The following ZNF804B variants were observed in gnomAD, a reference collection of about 807,000 sequenced individuals.
ZNF804B encodes the protein zinc finger protein 804B.
In ZNF804B, 80 loss-of-function variants were observed where a neutral mutation model predicts 101.4. The observed-to-expected ratio is 0.79, with a 90% CI of 0.66 to 0.95. ZNF804B has a LOEUF of 0.95. ZNF804B is among the 40% of genes least tolerant of loss of function. The pLI is 0.00. For missense variants in ZNF804B, 1,673 were observed against 1,561.9 expected (o/e 1.07, Z -1.20); for synonymous variants, 622 against 558.8 (o/e 1.11, Z -1.59).
chr7:88,788,879 G>C (rs1160556017), intron 1 of ZNF804B, among the ~76,000 whole-genome samples: 1 of 151,982 alleles, frequency 6.6e-6, no homozygotes, highest in Non-Finnish European at 1.5e-5. Flanking sequence ...AAGGATAAAT[G>C]GTAATCTTTT....
chr7:88,861,632 T>C (rs912437724), intron 1 of ZNF804B, among the ~76,000 whole-genome samples: 1 of 152,218 alleles, frequency 6.6e-6, no homozygotes, highest in African/African-American at 2.4e-5. Flanking sequence ...TGATACCCAG[T>C]GTCTCCAGTA....
At chr7:89,140,969 A>G (rs1466611111) in intron 1 of ZNF804B, among the ~76,000 whole-genome samples, 1 of 139,340 alleles carries the variant, frequency 7.2e-6, no homozygotes, top group Admixed American at 7.5e-5. Context: ...GAGAAATGCA[A>G]CTCTTCTTTT....
At chr7:89,086,305 T>C (rs1234444083) in intron 1 of ZNF804B, among the ~76,000 whole-genome samples, 2 of 151,976 alleles carry the variant, frequency 1.3e-5, no homozygotes, top group Non-Finnish European at 2.9e-5. Context: ...AGAAATGTAA[T>C]GTTAAGTCAT....
At chr7:89,230,811 C>G (rs962643033) in intron 2 of ZNF804B, among the ~76,000 whole-genome samples, 1 of 152,038 alleles carries the variant, frequency 6.6e-6, no homozygotes, top group African/African-American at 2.4e-5. Flanking sequence ...TGGTATCTCA[C>G]TGTGATTTGT....
chr7:88,894,780 G>T lies in ZNF804B; in HGVS notation c.108+134696G>T, dbSNP rs540818247. Among the ~76,000 whole-genome samples, 12 of 152,142 alleles carry T rather than the reference G, an allele frequency of 7.9e-5. No homozygotes were observed. In the South Asian group the frequency reaches 2.5e-3, roughly 32 times the overall value. ...AATAGGCTATATACTGCATTATTTT[G>T]ATGATATAATATTCTAGAAAAGATG... On this transcript the variant is annotated intron_variant, in intron 1 of 3. Transcript: ENST00000333190.
chr7:88,766,400 A>T (rs971298117), intron 1 of ZNF804B, among the ~76,000 whole-genome samples: 1 of 152,216 alleles, frequency 6.6e-6, no homozygotes, highest in Non-Finnish European at 1.5e-5. Flanking sequence ...GATGACACTC[A>T]GATAACATGT....
chr7:89,052,741 G>C (rs142351936), intron 1 of ZNF804B, among the ~76,000 whole-genome samples: 3 of 152,052 alleles, frequency 2.0e-5, no homozygotes, highest in Non-Finnish European at 4.4e-5. Flanking sequence ...TCAACAAAAC[G>C]TACTCACATT....
chr7:89,031,689 G>A (rs776624031), intron 1 of ZNF804B, among the ~76,000 whole-genome samples: 4 of 149,924 alleles, frequency 2.7e-5, no homozygotes, highest in African/African-American at 2.5e-5. Context: ...AATGTACAGC[G>A]AAAGATTTGA....
At chr7:88,936,256 G>T (rs1281706056) in intron 1 of ZNF804B, among the ~76,000 whole-genome samples, 2 of 152,048 alleles carry the variant, frequency 1.3e-5, no homozygotes, top group Non-Finnish European at 2.9e-5. Context: ...CTTGGAAATA[G>T]CTAGTGATTC....
At chr7:89,322,588 A>G (rs887914994) in intron 2 of ZNF804B, among the ~76,000 whole-genome samples, 5 of 152,166 alleles carry the variant, frequency 3.3e-5, no homozygotes, top group African/African-American at 1.2e-4. Flanking sequence ...AAATGAGGTA[A>G]CATTGCATTA....
intron 1 of ZNF804B, among the ~76,000 whole-genome samples, chr7:89,020,066 TTG>T (rs1170746613): frequency 6.6e-6 from 1 of 152,132 alleles, no homozygotes; most frequent in Non-Finnish European, 1.5e-5. Flanking sequence ...TAGTTATAAG[TTG>T]TGACAATGCA....
chr7:88,872,322 C>T (rs910673867), intron 1 of ZNF804B, among the ~76,000 whole-genome samples: 4 of 152,112 alleles, frequency 2.6e-5, no homozygotes, highest in Non-Finnish European at 4.4e-5. Flanking sequence ...GAGGCCAAGG[C>T]AGGAAAATGG....
chr7:88,771,000 C>T (rs918379091), intron 1 of ZNF804B, among the ~76,000 whole-genome samples: 11 of 152,074 alleles, frequency 7.2e-5, no homozygotes, highest in Non-Finnish European at 1.2e-4. Flanking sequence ...ACTGATAGTT[C>T]TTATATTCTT....
intron 1 of ZNF804B, among the ~76,000 whole-genome samples, chr7:88,947,987 G>A (rs1793161795): frequency 6.6e-6 from 1 of 151,894 alleles, no homozygotes; most frequent in African/African-American, 2.4e-5. Context: ...AATAATATCT[G>A]TAGTGTGCTA....
chr7:88,965,684 A>G (rs930871189), intron 1 of ZNF804B, among the ~76,000 whole-genome samples: 1 of 151,494 alleles, frequency 6.6e-6, no homozygotes, highest in Non-Finnish European at 1.5e-5. Context: ...CAATTCCCTA[A>G]GTTTGTCCTT....
intron 1 of ZNF804B, among the ~76,000 whole-genome samples, chr7:88,805,192 A>G (rs1056661432): frequency 6.6e-6 from 1 of 152,196 alleles, no homozygotes; most frequent in African/African-American, 2.4e-5. Context: ...ATAGTCAGGT[A>G]TGCCCTACTA....
chr7:88,928,143 T>C (rs1025651649), intron 1 of ZNF804B, among the ~76,000 whole-genome samples: 8 of 152,134 alleles, frequency 5.3e-5, no homozygotes, highest in Non-Finnish European at 8.8e-5. Flanking sequence ...ACTGTTAGCC[T>C]TTGGTACGGT....
intron 1 of ZNF804B, among the ~76,000 whole-genome samples, chr7:89,139,742 G>T (rs2214344): frequency 6.6e-6 from 1 of 151,900 alleles, no homozygotes; most frequent in African/African-American, 2.4e-5. Context: ...TTCTCTTGCT[G>T]TGTCCACCAC....
chr7:88,950,795 A>G (rs1476866213), intron 1 of ZNF804B, among the ~76,000 whole-genome samples: 1 of 151,902 alleles, frequency 6.6e-6, no homozygotes, highest in Non-Finnish European at 1.5e-5. Context: ...TGAGAGGCAA[A>G]TGCTAGCTAG....
Sources: allele counts gnomAD v4.1 joint callset (sites outside exome capture counted in the v4.1 genomes callset), GRCh38; gene constraint gnomAD v4.1.1; transcripts MANE v1.5; gene names NCBI Gene and HGNC (gene_info 2026-07-23, HGNC 2026-07-21).